TMEM132C: variants seen among roughly 807,000 people sequenced by gnomAD.
The protein encoded by TMEM132C is protein phosphatase 1, regulatory subunit 152.
In TMEM132C, 29 loss-of-function variants were observed where a neutral mutation model predicts 61.4. That is an observed-to-expected ratio of 0.47 (90% confidence interval 0.35 to 0.64). The LOEUF is 0.64. Ranked by LOEUF, TMEM132C falls within the 30% of genes least tolerant of loss-of-function variation. The pLI is 0.00. For missense variants in TMEM132C, 1,408 were observed against 1,476.9 expected, an observed-to-expected ratio of 0.95 and a Z score of 0.76; for synonymous variants, 656 against 633.1, an observed-to-expected ratio of 1.04 and a Z score of -0.54.
chr12:128,670,324 A>G (rs140392338), intron 5 of TMEM132C, among the ~76,000 whole-genome samples: 1 of 152,182 alleles, frequency 6.6e-6, no homozygotes, highest in Non-Finnish European at 1.5e-5. Flanking sequence ...ATATATATAT[A>G]TGTTATTAGT....
rs73430761 is a variant in TMEM132C, at chr12:128,694,981, A to G, written c.1656-849A>G. 4.0e-3 allele frequency among the ~76,000 whole-genome samples: 611 copies of G among 152,314 alleles called. 1 individual carries two copies. Among genetic ancestry groups the G allele is most frequent in the African/African-American group, 0.013 (557 of 41,568 alleles). On this transcript the variant is annotated intron_variant, in intron 6 of 8. Transcript: ENST00000435159. The stretch of plus-strand genomic sequence containing the variant: ...TTAGTTTCCTCATCTGTTCATGAGA[A>G]TAATTATGAGTTTGCCTCATAGTGT...
At chr12:128,478,493 T>A (rs376800074) in intron 2 of TMEM132C, among the ~76,000 whole-genome samples, 3 of 152,204 alleles carry the variant, frequency 2.0e-5, no homozygotes, top group Non-Finnish European at 4.4e-5. Context: ...AGAAATTTCA[T>A]TGGCTGGACT....
chr12:128,682,031 C>T (rs1207444967), intron 5 of TMEM132C, among the ~76,000 whole-genome samples: 2 of 152,004 alleles, frequency 1.3e-5, no homozygotes, highest in Non-Finnish European at 2.9e-5. Flanking sequence ...TGTGGCCTGG[C>T]TTGAATCAAA....
intron 1 of TMEM132C, among the ~76,000 whole-genome samples, chr12:128,333,993 T>TGC (rs917207951): frequency 6.6e-6 from 1 of 151,906 alleles, no homozygotes; most frequent in Admixed American, 6.6e-5. Context: ...GGTGTGTGTG[T>TGC]GCATGCATGT....
chr12:128,542,057 T>C (rs1873778395), intron 2 of TMEM132C, among the ~76,000 whole-genome samples: 1 of 152,198 alleles, frequency 6.6e-6, no homozygotes, highest in Non-Finnish European at 1.5e-5. Flanking sequence ...AACAGACTTG[T>C]AGCCAACCCT....
intron 2 of TMEM132C, among the ~76,000 whole-genome samples, chr12:128,435,424 C>T (rs1299080240): frequency 6.6e-6 from 1 of 152,200 alleles, no homozygotes; most frequent in Non-Finnish European, 1.5e-5. Flanking sequence ...TCAAAATCTC[C>T]TTAAGCTGAT....
chr12:128,609,309 C>T (rs967433889), intron 3 of TMEM132C, among the ~76,000 whole-genome samples: 1 of 113,840 alleles, frequency 8.8e-6, no homozygotes, highest in Non-Finnish European at 1.9e-5. Flanking sequence ...TCCCTGCAAC[C>T]CTGCTATAAC....
At chr12:128,407,733 TC>T (rs755423323) in intron 1 of TMEM132C, among the ~76,000 whole-genome samples, 6 of 152,194 alleles carry the variant, frequency 3.9e-5, no homozygotes, top group Non-Finnish European at 8.8e-5. Flanking sequence ...AGGCACGCTG[TC>T]ACTTCTTCCA....
intron 3 of TMEM132C, among the ~76,000 whole-genome samples, chr12:128,573,135 A>G (rs1275843108): frequency 6.6e-6 from 1 of 152,242 alleles, no homozygotes; most frequent in African/African-American, 2.4e-5. Context: ...TCATGCTGCT[A>G]TAAAGACACA....
chr12:128,413,026 C>T (rs995261453), intron 1 of TMEM132C, among the ~76,000 whole-genome samples: 24 of 152,166 alleles, frequency 1.6e-4, no homozygotes, highest in African/African-American at 5.8e-4. Context: ...AGGCCAGGCA[C>T]GGTGGCTCAC....
chr12:128,439,346 T>C (rs1294204998), intron 2 of TMEM132C: 2 of 152,208 alleles, frequency 1.3e-5, no homozygotes, highest in Non-Finnish European at 2.9e-5. Context: ...TGCTGTCTCT[T>C]GAATACAGGA....
At chr12:128,489,428 G>A (rs1348113901) in intron 2 of TMEM132C, among the ~76,000 whole-genome samples, 1 of 151,772 alleles carries the variant, frequency 6.6e-6, no homozygotes, top group Non-Finnish European at 1.5e-5. Flanking sequence ...AGCGTTTAAG[G>A]GCTTGCTACT....
At chr12:128,660,906 T>G (rs376421720) in intron 4 of TMEM132C, among the ~76,000 whole-genome samples, 12 of 149,804 alleles carry the variant, frequency 8.0e-5, no homozygotes, top group East Asian at 3.9e-4. Context: ...AGGAGGGAGG[T>G]AGGTAGGTAG....
intron 1 of TMEM132C, among the ~76,000 whole-genome samples, chr12:128,270,062 G>C (rs1385215153): frequency 6.6e-6 from 1 of 152,164 alleles, no homozygotes; most frequent in Non-Finnish European, 1.5e-5. Flanking sequence ...TTGGGCCGAG[G>C]CAGGAGAGGC....
chr12:128,351,049 C>T (rs940916807), intron 1 of TMEM132C, among the ~76,000 whole-genome samples: 7 of 152,094 alleles, frequency 4.6e-5, no homozygotes, highest in African/African-American at 1.7e-4. Flanking sequence ...CCCAACTGTC[C>T]AAGAACCCAA....
At chr12:128,520,181 T>C (rs556000383) in intron 2 of TMEM132C, among the ~76,000 whole-genome samples, 33 of 152,198 alleles carry the variant, frequency 2.2e-4, no homozygotes, top group Non-Finnish European at 4.1e-4. Flanking sequence ...AGCACAGATG[T>C]CATCTCAGAA....
intron 1 of TMEM132C, among the ~76,000 whole-genome samples, chr12:128,318,542 A>T (rs1342875454): frequency 6.6e-6 from 1 of 152,234 alleles, no homozygotes; most frequent in Non-Finnish European, 1.5e-5. Context: ...TCAAGAGTTA[A>T]TTACATTCTT....
At chr12:128,463,117 G>A (rs1474963735) in intron 2 of TMEM132C, among the ~76,000 whole-genome samples, 2 of 152,102 alleles carry the variant, frequency 1.3e-5, no homozygotes, top group African/African-American at 4.8e-5. Context: ...AAAAGCAAAA[G>A]CTAGCCTGGA....
At chr12:128,480,696 A>T (rs1332315810) in intron 2 of TMEM132C, among the ~76,000 whole-genome samples, 1 of 151,792 alleles carries the variant, frequency 6.6e-6, no homozygotes, top group Non-Finnish European at 1.5e-5. Flanking sequence ...TAGGGTACAG[A>T]TTTATCACCC....
Sources: allele counts gnomAD v4.1 joint callset (sites outside exome capture counted in the v4.1 genomes callset), GRCh38; gene constraint gnomAD v4.1.1; transcripts MANE v1.5; gene names NCBI Gene and HGNC (gene_info 2026-07-23, HGNC 2026-07-21).